Variants in DRC3 observed in about 807,000 individuals in gnomAD.
The protein encoded by DRC3 is leucine rich repeat containing 48.
DRC3 carries 45 observed loss-of-function variants against 57.6 expected under a neutral mutation model. The observed-to-expected ratio is 0.78, with a 90% CI of 0.62 to 1.00. DRC3 has a LOEUF of 1.00. Ranked by LOEUF, DRC3 falls within the 50% of genes least tolerant of loss-of-function variation. The pLI is 0.00. For synonymous variants in DRC3, 257 were observed against 272.3 expected (o/e 0.94, Z 0.55); for missense variants, 655 against 675.2 (o/e 0.97, Z 0.33).
chr17:17,986,074 G>A (rs1009184724), intron 4 of DRC3, among the ~76,000 whole-genome samples: 1 of 152,246 alleles, frequency 6.6e-6, no homozygotes, highest in Non-Finnish European at 1.5e-5. Context: ...ACCATGGGTG[G>A]CTAATTTTTG....
intron 9 of DRC3, among the ~76,000 whole-genome samples, chr17:18,002,323 G>T (rs994583427): frequency 6.6e-6 from 1 of 152,048 alleles, no homozygotes; most frequent in Non-Finnish European, 1.5e-5. Flanking sequence ...TATGTCATTC[G>T]CCCCCTTCAA....
At position 17,994,969 on chromosome 17, in the gene DRC3, C is replaced by T. The variant is rs564482874; in HGVS notation, c.712-30C>T. 1.6e-5 allele frequency: 25 copies of T among 1,551,650 alleles called. No individual in the cohort carries two copies. The South Asian group carries it at 1.8e-4, about 11-fold the overall frequency. On this transcript the variant is annotated intron_variant, in intron 7 of 13. Coordinates refer to ENST00000399187, the MANE Select transcript of DRC3 (RefSeq NM_031294.4). ...TGATGCAGGGGCCCCTGACAGGAGC[C>T]GTCCTACCTACGTGTGTTTCTGCCT...
chr17:17,990,450 C>A (rs560030077), intron 5 of DRC3, among the ~76,000 whole-genome samples: 1 of 152,266 alleles, frequency 6.6e-6, no homozygotes, highest in Non-Finnish European at 1.5e-5. Flanking sequence ...CTGGCCTTTG[C>A]TCAGTGCCTG....
At chr17:17,973,352 A>G (rs1311601273) in intron 1 of DRC3, among the ~76,000 whole-genome samples, 1 of 152,150 alleles carries the variant, frequency 6.6e-6, no homozygotes, top group Non-Finnish European at 1.5e-5. Flanking sequence ...AAATGATTTC[A>G]TCTTGGTACT....
rs766718133 is a variant in DRC3, at chr17:18,016,618, G to T, written c.1519G>T (p.Asp507Tyr). The T allele has an allele frequency of 5.0e-6, 8 of 1,613,620 alleles. No homozygotes were observed. The highest frequency in any genetic ancestry group is 1.1e-5 in the South Asian group (1 of 91,026). ...CGTGAAGGAGATCAATCAGTACATC[G>T]ACCACATGCAGAGCGAACTGGACAA... ...KRVKEINQYI[D>Y]HMQSELDNLE... The change falls in exon 14 of 14, where the codon GAC (aspartate) becomes TAC (tyrosine). Residue 507 changes from aspartate to tyrosine, a missense_variant. Transcript: ENST00000399187.
chr17:18,003,845 G>A (rs2043845940), intron 9 of DRC3, among the ~76,000 whole-genome samples: 1 of 150,304 alleles, frequency 6.7e-6, no homozygotes, highest in Non-Finnish European at 1.5e-5. Context: ...TATAGATGGG[G>A]TTTCACTGTG....
At chr17:17,996,348 A>G (rs560492499) in intron 8 of DRC3, among the ~76,000 whole-genome samples, 49 of 152,340 alleles carry the variant, frequency 3.2e-4, no homozygotes, top group African/African-American at 1.1e-3. Context: ...ACAGTTCTAC[A>G]TGGCTGGGGA....
chr17:17,986,663 A>C (rs2042973437), intron 4 of DRC3, among the ~76,000 whole-genome samples: 1 of 152,008 alleles, frequency 6.6e-6, no homozygotes, highest in Non-Finnish European at 1.5e-5. Context: ...GGGTTTTGCC[A>C]GGTTGGCCAG....
At chr17:18,003,089 G>A (rs1011657311) in intron 9 of DRC3, among the ~76,000 whole-genome samples, 1 of 152,150 alleles carries the variant, frequency 6.6e-6, no homozygotes, top group South Asian at 2.1e-4. Flanking sequence ...TTTGGGCTAA[G>A]GCAGTTCATC....
chr17:17,987,941 TCAA>T lies in DRC3; in HGVS notation c.293_295del (p.Asn98del). ...CCTCTCTTCTTCCCAGATCTGTCTT[TCAA>T]CAACATTGAGACCATCGAGGGGCTG... On this transcript the variant is annotated inframe_deletion, in exon 5 of 14. Transcript: ENST00000399187. 6.2e-7 allele frequency: 1 copy of T among 1,613,892 alleles called. No homozygotes were observed. Among genetic ancestry groups the T allele is most frequent in the Non-Finnish European group, 8.5e-7 (1 of 1,179,848 alleles).
chr17:17,991,646 A>T (rs1390762679), intron 5 of DRC3, among the ~76,000 whole-genome samples: 1 of 152,060 alleles, frequency 6.6e-6, no homozygotes, highest in African/African-American at 2.4e-5. Flanking sequence ...AATGGCAAAA[A>T]CCACAGTTAC....
chr17:18,004,197 T>C (rs1201068643), intron 9 of DRC3, among the ~76,000 whole-genome samples, 166 bp from the exon 10 acceptor site: 1 of 151,954 alleles, frequency 6.6e-6, no homozygotes, highest in African/African-American at 2.4e-5. Flanking sequence ...ATGGAGAGGG[T>C]AGGTAGCTTC....
chr17:18,011,014 A>G (rs995241257), intron 12 of DRC3: 8 of 230,210 alleles, frequency 3.5e-5, no homozygotes, highest in South Asian at 9.7e-5. Context: ...CTGGAGTGCA[A>G]TGGCATGATC....
At chr17:18,011,616 C>T (rs1318268317) in intron 12 of DRC3, 2 of 174,300 alleles carry the variant, frequency 1.1e-5, no homozygotes, top group Admixed American at 6.2e-5. Flanking sequence ...ACAACTGCTA[C>T]ACCTCAGCCA....
At chr17:17,994,223 G>A in intron 6 of DRC3, 76 bp from the exon 7 acceptor site, 1 of 1,532,016 alleles carries the variant, frequency 6.5e-7, no homozygotes, top group Non-Finnish European at 8.8e-7. Flanking sequence ...GCTGCAGCAT[G>A]GCAGAGGCGG....
At chr17:17,997,270 C>T (rs565902502) in intron 8 of DRC3, among the ~76,000 whole-genome samples, 190 bp from the exon 9 acceptor site, 8 of 152,334 alleles carry the variant, frequency 5.3e-5, no homozygotes, top group Non-Finnish European at 1.0e-4. Flanking sequence ...ATTTTACCTA[C>T]ATCTCAATCC....
chr17:18,004,693 GA>G lies in DRC3; in HGVS notation c.1131+203del, dbSNP rs1246813945. On this transcript the variant is annotated intron_variant, in intron 10 of 13. Transcript: ENST00000399187. ...ATTTACATTGGAAGTGATTCTTGTGGAAAATGAGAGGTGAGCTCATTCTTCT... is the reference window on the plus strand; with the variant it reads ...ATTTACATTGGAAGTGATTCTTGTGGAAATGAGAGGTGAGCTCATTCTTCT... 14 of 586,634 alleles carry G rather than the reference GA, an allele frequency of 2.4e-5. No individual in the cohort carries two copies. The East Asian group carries it at 3.9e-4, about 16-fold the overall frequency. The allele number at this position is 586,634 out of a possible 1,614,324, so 36.3% of individuals were successfully genotyped here. A position where few individuals can be genotyped will look rare whatever the true frequency, so the allele number is the denominator to read the frequency against.
chr17:18,003,742 A>ACGCCATT (rs913477020), intron 9 of DRC3, among the ~76,000 whole-genome samples: 33 of 140,334 alleles, frequency 2.4e-4, no homozygotes, highest in Non-Finnish European at 4.7e-4. Flanking sequence ...TCCCAGGTTC[A>ACGCCATT]CGCCATTCTC....
chr17:17,983,192 C>G (rs2042792757), intron 3 of DRC3, among the ~76,000 whole-genome samples: 2 of 152,318 alleles, frequency 1.3e-5, no homozygotes, highest in South Asian at 4.1e-4. Context: ...CTGCCTCGTT[C>G]TTGCATGGAT....
Sources: gnomAD v4.1 joint callset for allele counts (sites outside exome capture counted in the v4.1 genomes callset) on GRCh38, gnomAD v4.1.1 for gene constraint, MANE v1.5 for transcripts, NCBI Gene and HGNC (gene_info 2026-07-23, HGNC 2026-07-21) for gene names.